The following TMEM223 variants were observed in gnomAD, a reference collection of about 807,000 sequenced individuals.
TMEM223 encodes transmembrane protein 223.
Under a neutral mutation model 14.1 loss-of-function variants are expected in TMEM223, and 14 were observed. The observed-to-expected ratio is 0.99, with a 90% confidence interval of 0.66 to 1.55. TMEM223 has a LOEUF of 1.55. Ranked by LOEUF, TMEM223 falls within the 40% of genes most tolerant of loss-of-function variation. TMEM223 has a pLI of 0.00. For synonymous variants in TMEM223, 145 were observed against 120.5 expected, an observed-to-expected ratio of 1.20 and a Z score of -1.33; for missense variants, 346 against 269.9, an observed-to-expected ratio of 1.28 and a Z score of -1.97.
At chr11:62,783,966 A>G (rs1484700484), downstream of TMEM223, among the ~76,000 whole-genome samples, 1 of 144,878 alleles carries the variant, frequency 6.9e-6, no homozygotes, top group Non-Finnish European at 1.5e-5. Flanking sequence ...TTTTTTTGAG[A>G]TGGAATCTTG....
At chr11:62,788,248 C>A (rs2084312370), downstream of TMEM223, among the ~76,000 whole-genome samples, 1 of 151,632 alleles carries the variant, frequency 6.6e-6, no homozygotes, top group African/African-American at 2.4e-5. Context: ...ACTAAAAATA[C>A]AAAAATTAGC....
chr11:62,788,185 T>C (rs989648157), downstream of TMEM223, among the ~76,000 whole-genome samples: 4 of 142,748 alleles, frequency 2.8e-5, no homozygotes, highest in Non-Finnish European at 6.1e-5. Flanking sequence ...GGCGGATCAC[T>C]TGAGGTCAGG....
At chr11:62,786,261 C>T (rs2134727718), downstream of TMEM223, 1 of 1,610,928 alleles carries the variant, frequency 6.2e-7, no homozygotes, top group Admixed American at 1.7e-5. Flanking sequence ...TCCTTCCAGG[C>T]AGTAGAACGA....
Position 62,791,934 on chromosome 11 carries a change from TGA to T in TMEM223, c.59_60del (p.Leu20HisfsTer18). ...GTCGTGCCTTGCAGGGGCCGGCAGG[TGA>T]GCAGGGGCCGCAGCACGGCTAGCAG... ...TGLLAVLRPL[L>X]TCRPLQGTTL... is the part of the protein sequence containing the mutation. On this transcript the variant is annotated frameshift_variant, in exon 1 of 2. Transcript: ENST00000307366. LOFTEE classifies it high-confidence loss of function. 1 of 1,595,020 alleles carries T rather than the reference TGA, an allele frequency of 6.3e-7. No homozygotes were observed. The highest frequency in any genetic ancestry group is 8.5e-7 in the Non-Finnish European group (1 of 1,171,308).
rs1315913495 is a variant in TMEM223, at chr11:62,789,980, A to C, written c.*643T>G. On this transcript the variant is annotated 3_prime_UTR_variant, in exon 2 of 2. Transcript: ENST00000307366. ...GAAGCCACCCCATACCGGCCTCTGG[A>C]GAGGGGTGACCCTGAGTGGAGCTCT... 6.2e-7 allele frequency: 1 copy of C among 1,614,038 alleles called. No homozygotes were observed. The highest frequency in any genetic ancestry group is 8.5e-7 in the Non-Finnish European group (1 of 1,179,982).
In TMEM223 at chr11:62,790,441, GTT is replaced by G. The variant is rs370883948; in HGVS notation, c.*180_*181del. ...CATTCTAAGATTGGCGTTTTTTTTT[GTT>G]TTTTTTTTTGTAAATAGAGACAAGG... On this transcript the variant is annotated 3_prime_UTR_variant, in exon 2 of 2. Coordinates refer to ENST00000307366, the MANE Select transcript of TMEM223 (RefSeq NM_001080501.3). 5.1e-5 allele frequency: 23 copies of G among 452,494 alleles called. No individual in the cohort carries two copies. Among genetic ancestry groups the G allele is most frequent in the East Asian group, 1.3e-4 (3 of 23,570 alleles). The allele number at this position is 452,494 out of a possible 1,614,324, so 28.0% of individuals were successfully genotyped here.
downstream of TMEM223, chr11:62,787,641 G>A: frequency 7.5e-7 from 1 of 1,333,572 alleles, no homozygotes. Flanking sequence ...TGGACCTGGT[G>A]AGGCACGGCT....
chr11:62,772,826 G>C (rs557551897), intron 2 of TMEM223, among the ~76,000 whole-genome samples: 2 of 149,840 alleles, frequency 1.3e-5, no homozygotes, highest in Non-Finnish European at 3.0e-5. Context: ...AAAAAGAATA[G>C]TTCTTCTTTC....
chr11:62,776,945 G>C (rs2084192479), intron 1 of TMEM223, among the ~76,000 whole-genome samples: 1 of 151,772 alleles, frequency 6.6e-6, no homozygotes, highest in African/African-American at 2.4e-5. Flanking sequence ...TCAGGAGTTT[G>C]AGACCAACCT....
rs527301035 is a variant in TMEM223 at position 62,790,447 on chromosome 11, T to G, written c.*176A>C. The stretch of plus-strand genomic sequence containing the variant: ...AAGATTGGCGTTTTTTTTTGTTTTT[T>G]TTTTTGTAAATAGAGACAAGGTCTC... On this transcript the variant is annotated 3_prime_UTR_variant, in exon 2 of 2. Coordinates refer to ENST00000307366, the MANE Select transcript of TMEM223 (RefSeq NM_001080501.3). The G allele has an allele frequency of 3.6e-5, 22 of 618,838 alleles. No individual in the cohort carries two copies. Among genetic ancestry groups the G allele is most frequent in the African/African-American group, 2.4e-4 (13 of 53,928 alleles). The allele number at this position is 618,838 out of a possible 1,614,324, so 38.3% of individuals were successfully genotyped here.
At chr11:62,789,756 T>A, downstream of TMEM223, 4 of 1,510,778 alleles carry the variant, frequency 2.6e-6, no homozygotes, top group Non-Finnish European at 3.6e-6. Context: ...TATTGTGAGC[T>A]TGGCCTACCA....
intron 1 of TMEM223, chr11:62,775,765 T>A (rs766699216): frequency 6.3e-7 from 1 of 1,598,474 alleles, no homozygotes; most frequent in South Asian, 1.1e-5. Context: ...CATTCTCCAC[T>A]CCCAGCTCCA....
At chr11:62,772,466 T>G (rs1378591484) in intron 2 of TMEM223, among the ~76,000 whole-genome samples, 1 of 148,512 alleles carries the variant, frequency 6.7e-6, no homozygotes, top group Non-Finnish European at 1.5e-5. Context: ...GAGGTTGTAG[T>G]GAGCCGAGAT....
At position 62,775,716 on chromosome 11, in the gene TMEM223, C is replaced by T. The variant is rs553696667; in HGVS notation, c.315-1051G>A. ...GGTGTGGAGGGTGTTGGATCACACT[C>T]CTGGGCTCTCCGGGAGGCTGGGCAG... On this transcript the variant is annotated intron_variant, in intron 1 of 2. Coordinates refer to the TMEM223 transcript ENST00000528367. The T allele has an allele frequency of 8.3e-5, 129 of 1,546,582 alleles. No individual in the cohort carries two copies. The African/African-American group carries it at 1.6e-3, about 20-fold the overall frequency.
intron 2 of TMEM223, among the ~76,000 whole-genome samples, chr11:62,773,911 G>A (rs924011186): frequency 6.6e-6 from 1 of 152,108 alleles, no homozygotes; most frequent in African/African-American, 2.4e-5. Flanking sequence ...AGTTCCAAGT[G>A]GAGGAAGCAG....
At chr11:62,785,435 G>A (rs12808302), downstream of TMEM223, among the ~76,000 whole-genome samples, 30,753 of 151,376 alleles carry the variant, frequency 0.2, 3,759 homozygotes, top group Non-Finnish European at 0.29. Context: ...CTCCTGATCC[G>A]CCTGCCTTGG....
downstream of TMEM223, chr11:62,782,753 C>T (rs767522703): frequency 1.7e-5 from 28 of 1,613,022 alleles, no homozygotes; most frequent in South Asian, 3.0e-4. Context: ...TGCAGAAGAT[C>T]CTGGCAGATC....
chr11:62,779,186 A>G (rs974026397), intron 1 of TMEM223, among the ~76,000 whole-genome samples: 1 of 150,570 alleles, frequency 6.6e-6, no homozygotes, highest in African/African-American at 2.4e-5. Context: ...ATGCCCGGCT[A>G]ATTTTGTTTT....
intron 1 of TMEM223, among the ~76,000 whole-genome samples, chr11:62,779,970 A>ATTTTTTTT (rs1263442687): frequency 3.3e-4 from 21 of 64,404 alleles, no homozygotes; most frequent in African/African-American, 8.6e-4. Flanking sequence ...ATATATATAT[A>ATTTTTTTT]TATATATTTT....
Sources: allele counts gnomAD v4.1 joint callset (sites outside exome capture counted in the v4.1 genomes callset), GRCh38; gene constraint gnomAD v4.1.1; transcripts MANE v1.5; gene names NCBI Gene and HGNC (gene_info 2026-07-23, HGNC 2026-07-21).